The following SUCLG2 variants were observed in gnomAD, a reference collection of about 807,000 sequenced individuals.
SUCLG2 encodes the protein succinate--CoA ligase [GDP-forming] subunit beta, mitochondrial.
SUCLG2 carries 42 observed loss-of-function variants against 47.9 expected under a neutral mutation model. That is an observed-to-expected ratio of 0.88 (90% CI 0.69 to 1.14). SUCLG2 has a LOEUF of 1.14. SUCLG2 is among the 50% of genes most tolerant of loss of function. SUCLG2 has a pLI of 0.00. For missense variants in SUCLG2, 571 were observed against 525.9 expected, an observed-to-expected ratio of 1.09 and a Z score of -0.84; for synonymous variants, 195 against 197.3, an observed-to-expected ratio of 0.99 and a Z score of 0.10.
intron 10 of SUCLG2, among the ~76,000 whole-genome samples, chr3:67,381,799 A>T (rs1702163638): frequency 6.6e-6 from 1 of 152,220 alleles, no homozygotes; most frequent in Non-Finnish European, 1.5e-5. Context: ...TATTATAAAT[A>T]ATAACAATTA....
chr3:67,609,716 G>C, intron 1 of SUCLG2, 120 bp from the exon 2 acceptor site: 2 of 871,596 alleles, frequency 2.3e-6, no homozygotes, highest in Non-Finnish European at 3.1e-6. Flanking sequence ...AGAGTTGAGA[G>C]AAGCAAAAGA....
At chr3:67,416,002 C>A (rs1194359757) in intron 9 of SUCLG2, among the ~76,000 whole-genome samples, 1 of 152,200 alleles carries the variant, frequency 6.6e-6, no homozygotes, top group Non-Finnish European at 1.5e-5. Flanking sequence ...AGACTTCTAT[C>A]CAGCAAGGAA....
At chr3:67,639,864 T>C (rs1336930987) in intron 1 of SUCLG2, among the ~76,000 whole-genome samples, 3 of 152,220 alleles carry the variant, frequency 2.0e-5, no homozygotes, top group African/African-American at 7.2e-5. Context: ...TTGGGGTTAC[T>C]ATGGTCCAAG....
chr3:67,461,999 T>C (rs1704349150), intron 9 of SUCLG2, among the ~76,000 whole-genome samples: 1 of 152,040 alleles, frequency 6.6e-6, no homozygotes, highest in Non-Finnish European at 1.5e-5. Flanking sequence ...GACTCAGAAA[T>C]TCAGAATTTA....
chr3:67,630,468 G>A (rs1008854643), intron 1 of SUCLG2, among the ~76,000 whole-genome samples: 3 of 149,472 alleles, frequency 2.0e-5, no homozygotes, highest in Non-Finnish European at 3.0e-5. Context: ...AAGTACTTAT[G>A]TGTAGGATAA....
intron 9 of SUCLG2, among the ~76,000 whole-genome samples, chr3:67,413,606 CAA>C (rs1449713133): frequency 6.6e-6 from 1 of 152,104 alleles, no homozygotes; most frequent in East Asian, 1.9e-4. Flanking sequence ...AACAGTCAAC[CAA>C]AAAATATACC....
chr3:67,626,194 G>A (rs1244274894), intron 1 of SUCLG2, among the ~76,000 whole-genome samples: 1 of 149,910 alleles, frequency 6.7e-6, no homozygotes, highest in East Asian at 2.0e-4. Flanking sequence ...GGGTTTCACC[G>A]TGTTAGCCAG....
intron 4 of SUCLG2, among the ~76,000 whole-genome samples, chr3:67,523,858 C>A (rs1270231978): frequency 6.6e-6 from 1 of 152,108 alleles, no homozygotes; most frequent in African/African-American, 2.4e-5. Flanking sequence ...AGAGGCAACA[C>A]AAAATTATAA....
chr3:67,386,820 G>A (rs955596845), intron 10 of SUCLG2, among the ~76,000 whole-genome samples: 2 of 152,202 alleles, frequency 1.3e-5, no homozygotes, highest in African/African-American at 4.8e-5. Context: ...TCTTGGAACA[G>A]CTCAGTTTTC....
intron 9 of SUCLG2, among the ~76,000 whole-genome samples, chr3:67,494,998 A>G (rs1324801763): frequency 6.6e-6 from 1 of 152,224 alleles, no homozygotes; most frequent in Non-Finnish European, 1.5e-5. Context: ...GCTACTTAGT[A>G]CATATGTTAC....
chr3:67,511,826 G>A (rs915549049), intron 6 of SUCLG2, among the ~76,000 whole-genome samples: 1 of 144,784 alleles, frequency 6.9e-6, no homozygotes, highest in South Asian at 2.1e-4. Flanking sequence ...TAATTTATAG[G>A]AAGAGTGTGA....
At chr3:67,622,959 T>C (rs375517786) in intron 1 of SUCLG2, among the ~76,000 whole-genome samples, 22 of 152,348 alleles carry the variant, frequency 1.4e-4, no homozygotes, top group African/African-American at 4.3e-4. Flanking sequence ...TTGTGCCAAG[T>C]AGCTTGGTCT....
At chr3:67,652,509 G>C (rs1032602945) in intron 1 of SUCLG2, among the ~76,000 whole-genome samples, 1 of 152,148 alleles carries the variant, frequency 6.6e-6, no homozygotes, top group South Asian at 2.1e-4. Flanking sequence ...ACATGAAACA[G>C]ATCATAGGAA....
At chr3:67,640,787 G>C (rs1701088907) in intron 1 of SUCLG2, among the ~76,000 whole-genome samples, 1 of 152,074 alleles carries the variant, frequency 6.6e-6, no homozygotes, top group South Asian at 2.1e-4. Flanking sequence ...TTTACAATCA[G>C]CTTTTGATTG....
chr3:67,439,631 T>G (rs528030139), intron 9 of SUCLG2, among the ~76,000 whole-genome samples: 2 of 152,236 alleles, frequency 1.3e-5, no homozygotes, highest in South Asian at 4.2e-4. Flanking sequence ...CCATTCACAA[T>G]TGCTACTAAG....
At chr3:67,552,929 G>C (rs926334400) in intron 2 of SUCLG2, among the ~76,000 whole-genome samples, 1 of 152,142 alleles carries the variant, frequency 6.6e-6, no homozygotes, top group Non-Finnish European at 1.5e-5. Flanking sequence ...ACACCTGTTA[G>C]GTGATAAGAA....
intron 7 of SUCLG2, among the ~76,000 whole-genome samples, chr3:67,498,523 T>C (rs1575736572): frequency 1.3e-5 from 2 of 152,206 alleles, no homozygotes; most frequent in East Asian, 3.8e-4. Context: ...TTTCTACCTG[T>C]TGTTCTCATT....
At chr3:67,457,684 CTTTT>C (rs71109889) in intron 9 of SUCLG2, among the ~76,000 whole-genome samples, 7 of 65,514 alleles carry the variant, frequency 1.1e-4, no homozygotes, top group African/African-American at 2.3e-4. Flanking sequence ...ACAAAAGCAG[CTTTT>C]TTTTTTTTTT....
intron 9 of SUCLG2, among the ~76,000 whole-genome samples, chr3:67,475,325 T>A (rs372793805): frequency 1.2e-4 from 18 of 152,272 alleles, no homozygotes; most frequent in South Asian, 1.0e-3. Flanking sequence ...CTGAGTGATT[T>A]CTCTTCATTG....
Sources: gnomAD v4.1 joint callset for allele counts (sites outside exome capture counted in the v4.1 genomes callset) on GRCh38, gnomAD v4.1.1 for gene constraint, MANE v1.5 for transcripts, NCBI Gene and HGNC (gene_info 2026-07-23, HGNC 2026-07-21) for gene names.